The following TPTE variants were observed in gnomAD, a reference collection of about 807,000 sequenced individuals.
TPTE encodes putative tyrosine-protein phosphatase TPTE.
A neutral mutation model predicts 84.1 loss-of-function variants in TPTE; 59 were observed. That is an observed-to-expected ratio of 0.70 (90% CI 0.57 to 0.87). The LOEUF is 0.87. Among genes scored for constraint, TPTE ranks in the 40% least tolerant of loss-of-function variants. The pLI is 0.00. For missense variants in TPTE, 382 were observed against 659.6 expected (o/e 0.58, Z 4.61); for synonymous variants, 130 against 223.5 (o/e 0.58, Z 3.73).
At chr21:10,538,036 T>A (rs1377850397) in intron 3 of TPTE, among the ~76,000 whole-genome samples, 2 of 152,310 alleles carry the variant, frequency 1.3e-5, no homozygotes, top group Non-Finnish European at 2.9e-5. Flanking sequence ...TAAAAACTAA[T>A]TTTCAGACTG....
chr21:10,543,436 A>G (rs1275417118), intron 7 of TPTE, 54 bp downstream of exon 7: 2 of 1,612,944 alleles, frequency 1.2e-6, no homozygotes, highest in African/African-American at 2.7e-5. Flanking sequence ...ATAGAGCTAT[A>G]CACACACCAA....
chr21:10,577,023 A>C (rs1325077294), intron 14 of TPTE, among the ~76,000 whole-genome samples: 1 of 152,312 alleles, frequency 6.6e-6, no homozygotes, highest in African/African-American at 2.4e-5. Context: ...ATCATACTAT[A>C]TGCTTTTTGC....
At chr21:10,585,682 T>G (rs2145756000) in intron 17 of TPTE, among the ~76,000 whole-genome samples, 1 of 152,426 alleles carries the variant, frequency 6.6e-6, no homozygotes, top group Non-Finnish European at 1.5e-5. Context: ...TTTTCCTTCT[T>G]AAGTGTAAAG....
intron 3 of TPTE, 111 bp from the exon 4 acceptor site, chr21:10,538,570 A>G (rs1600865282): frequency 1.3e-6 from 2 of 1,516,054 alleles, no homozygotes; most frequent in Non-Finnish European, 9.1e-7. Context: ...ATACACATGA[A>G]TAGTCAGAAC....
chr21:10,531,540 T>C (rs918229464), intron 3 of TPTE, among the ~76,000 whole-genome samples: 1 of 152,306 alleles, frequency 6.6e-6, no homozygotes, highest in Non-Finnish European at 1.5e-5. Context: ...GTATCCCTTA[T>C]GGCAACACTA....
At chr21:10,585,988 A>G (rs2075356881) in intron 17 of TPTE, among the ~76,000 whole-genome samples, 1 of 152,302 alleles carries the variant, frequency 6.6e-6, no homozygotes, top group African/African-American at 2.4e-5. Flanking sequence ...TAGTCTTACC[A>G]CGGATTTATC....
intron 19 of TPTE, among the ~76,000 whole-genome samples, chr21:10,594,622 A>G (rs2075546885): frequency 6.6e-6 from 1 of 152,312 alleles, no homozygotes; most frequent in Non-Finnish European, 1.5e-5. Flanking sequence ...AGCTAACGGG[A>G]TGCTAGACGG....
rs780219183 is a variant in TPTE, at chr21:10,578,619, C to A, written c.1027+14C>A. 6.2e-7 allele frequency: 1 copy of A among 1,611,930 alleles called. No homozygotes were observed. Among genetic ancestry groups the A allele is most frequent in the Non-Finnish European group, 8.5e-7 (1 of 1,179,782 alleles). On this transcript the variant is annotated intron_variant, in intron 17 of 23. Transcript: ENST00000618007. ...AAGGAGGCACAGGTAATAACATTTT[C>A]CTTTTTATTTCTCCATTTCTAAAGA...
chr21:10,558,888 GT>G (rs1301241060), intron 8 of TPTE, among the ~76,000 whole-genome samples: 1 of 152,414 alleles, frequency 6.6e-6, no homozygotes, highest in East Asian at 1.9e-4. Context: ...CATCAAACAG[GT>G]TCTCCTTCCT....
At chr21:10,530,696 C>T (rs1054479764) in intron 3 of TPTE, among the ~76,000 whole-genome samples, 1 of 152,308 alleles carries the variant, frequency 6.6e-6, no homozygotes, top group African/African-American at 2.4e-5. Context: ...ACTTGATGGG[C>T]CATGGGATTG....
intron 21 of TPTE, among the ~76,000 whole-genome samples, chr21:10,599,054 C>T (rs1470715882): frequency 6.6e-6 from 1 of 152,310 alleles, no homozygotes; most frequent in African/African-American, 2.4e-5. Context: ...GTTGTAGATG[C>T]AGGAGCTACA....
chr21:10,594,590 A>T (rs1473251219), intron 19 of TPTE, among the ~76,000 whole-genome samples: 4 of 152,308 alleles, frequency 2.6e-5, no homozygotes, highest in Non-Finnish European at 5.9e-5. Context: ...CCTTAGGGAA[A>T]GGTGGAGAAT....
chr21:10,540,212 C>G (rs7280291), intron 4 of TPTE, among the ~76,000 whole-genome samples: 5,330 of 150,070 alleles, frequency 0.036, 1 homozygote, highest in African/African-American at 0.13. Flanking sequence ...CCAAGGAATA[C>G]AGTTATACAT....
intron 17 of TPTE, among the ~76,000 whole-genome samples, chr21:10,582,006 A>T (rs2075279874): frequency 6.6e-6 from 1 of 152,312 alleles, no homozygotes; most frequent in Non-Finnish European, 1.5e-5. Context: ...AAGTGCTGGG[A>T]TTACAGGCAT....
At chr21:10,576,552 CTTA>C (rs1379530760) in intron 14 of TPTE, 2 of 152,998 alleles carry the variant, frequency 1.3e-5, no homozygotes, top group African/African-American at 4.8e-5. Context: ...ATCTTTTTGA[CTTA>C]TTATTTCCTC....
intron 11 of TPTE, among the ~76,000 whole-genome samples, chr21:10,568,382 C>T (rs1271693056): frequency 2.0e-5 from 3 of 152,308 alleles, no homozygotes; most frequent in Non-Finnish European, 2.9e-5. Flanking sequence ...TAGAGTTTTG[C>T]AGTATAGTTG....
intron 7 of TPTE, 144 bp from the exon 8 acceptor site, chr21:10,552,513 A>G: frequency 7.3e-7 from 1 of 1,372,440 alleles, no homozygotes; most frequent in Non-Finnish European, 9.8e-7. Flanking sequence ...TCTCTCTTAA[A>G]TATTAGGTCT....
At chr21:10,541,073 T>TA in intron 4 of TPTE, 39 bp from the exon 5 acceptor site, 2 of 1,611,778 alleles carry the variant, frequency 1.2e-6, no homozygotes, top group Non-Finnish European at 1.7e-6. Context: ...ACATTAGAAT[T>TA]ACGCATTGGG....
At chr21:10,563,657 T>TA (rs1464898487) in intron 10 of TPTE, among the ~76,000 whole-genome samples, 2 of 152,258 alleles carry the variant, frequency 1.3e-5, no homozygotes, top group Non-Finnish European at 2.9e-5. Context: ...ACACGAAAAA[T>TA]AAAAAACAAG....
Sources: allele counts gnomAD v4.1 joint callset (sites outside exome capture counted in the v4.1 genomes callset), GRCh38; gene constraint gnomAD v4.1.1; transcripts MANE v1.5; gene names NCBI Gene and HGNC (gene_info 2026-07-23, HGNC 2026-07-21).